LRRTM4: variants seen among roughly 807,000 people sequenced by gnomAD.
LRRTM4 encodes leucine-rich repeat transmembrane neuronal protein 4.
Under a neutral mutation model 47.6 loss-of-function variants are expected in LRRTM4, and 25 were observed. The observed-to-expected ratio is 0.53, with a 90% CI of 0.38 to 0.73. The LOEUF (loss-of-function observed/expected upper bound fraction) is 0.73. Among genes scored for constraint, LRRTM4 ranks in the 30% least tolerant of loss-of-function variants. The pLI, the probability that LRRTM4 is intolerant of heterozygous loss-of-function variation, is 0.00. For synonymous variants in LRRTM4, 311 were observed against 269.5 expected, an observed-to-expected ratio of 1.15 and a Z score of -1.51; for missense variants, 638 against 713.4, an observed-to-expected ratio of 0.89 and a Z score of 1.20.
At chr2:76,760,069 G>A (rs527535969) in intron 3 of LRRTM4, among the ~76,000 whole-genome samples, 46 of 152,148 alleles carry the variant, frequency 3.0e-4, no homozygotes, top group Non-Finnish European at 5.7e-4. Context: ...AAGAATGTAT[G>A]AATTTGAGAG....
intron 3 of LRRTM4, among the ~76,000 whole-genome samples, chr2:77,398,851 T>C (rs1055400242): frequency 6.6e-6 from 1 of 151,856 alleles, no homozygotes; most frequent in Non-Finnish European, 1.5e-5. Context: ...CAGAGATTCA[T>C]TCCTTATCTA....
At chr2:77,264,666 T>A (rs997189324) in intron 3 of LRRTM4, among the ~76,000 whole-genome samples, 5 of 152,276 alleles carry the variant, frequency 3.3e-5, no homozygotes, top group African/African-American at 1.2e-4. Flanking sequence ...TATTTGTCTT[T>A]GGAAAAGCAA....
chr2:77,021,274 T>G (rs1015949883), intron 3 of LRRTM4, among the ~76,000 whole-genome samples: 105 of 152,018 alleles, frequency 6.9e-4, no homozygotes, highest in African/African-American at 2.3e-3. Context: ...TGCTAGGAAC[T>G]TGTAAGATGT....
chr2:77,353,974 G>A (rs149946994), intron 3 of LRRTM4, among the ~76,000 whole-genome samples: 49 of 152,272 alleles, frequency 3.2e-4, no homozygotes, highest in African/African-American at 1.1e-3. Context: ...TATTCCGCAG[G>A]CAGTGTGCTG....
In LRRTM4 at chr2:77,411,049, A is replaced by G. The variant is rs569195895; in HGVS notation, c.1551+107269T>C. Among the ~76,000 whole-genome samples the G allele has an allele frequency of 1.5e-3, 226 of 152,334 alleles. 1 individual carries two copies. Among genetic ancestry groups the G allele is most frequent in the African/African-American group, 5.3e-3 (219 of 41,580 alleles). ...GAACAATAAATCCTGAGCATTAGAA[A>G]CACAGGCATAATCTGTTAGCATTAT... On this transcript the variant is annotated intron_variant, in intron 3 of 3. Coordinates refer to ENST00000409884, the MANE Select transcript of LRRTM4 (RefSeq NM_001134745.3).
intron 3 of LRRTM4, among the ~76,000 whole-genome samples, chr2:77,067,051 T>A (rs1434246630): frequency 6.6e-6 from 1 of 152,206 alleles, no homozygotes; most frequent in African/African-American, 2.4e-5. Flanking sequence ...CCGTTAGAAT[T>A]AAAGTATAGC....
At chr2:77,440,232 G>A (rs1192149526) in intron 3 of LRRTM4, among the ~76,000 whole-genome samples, 1 of 152,074 alleles carries the variant, frequency 6.6e-6, no homozygotes, top group African/African-American at 2.4e-5. Flanking sequence ...GGCTAACACG[G>A]TGAGAACCCG....
At chr2:76,801,397 A>T (rs1442712739) in intron 3 of LRRTM4, among the ~76,000 whole-genome samples, 1 of 152,138 alleles carries the variant, frequency 6.6e-6, no homozygotes, top group Non-Finnish European at 1.5e-5. Flanking sequence ...CATCATTCTC[A>T]GTAAACTATC....
chr2:77,504,712 G>A (rs1055426249), intron 3 of LRRTM4, among the ~76,000 whole-genome samples: 2 of 151,468 alleles, frequency 1.3e-5, no homozygotes, highest in African/African-American at 2.4e-5. Context: ...TCAAGGAGCT[G>A]ACATCCCTTA....
chr2:77,059,336 T>C (rs1252129051), intron 3 of LRRTM4, among the ~76,000 whole-genome samples: 2 of 152,022 alleles, frequency 1.3e-5, no homozygotes, highest in Non-Finnish European at 2.9e-5. Flanking sequence ...ATTCTTTCAG[T>C]AGAGTTGTCT....
At chr2:77,203,917 T>A (rs569421660) in intron 3 of LRRTM4, among the ~76,000 whole-genome samples, 30 of 152,310 alleles carry the variant, frequency 2.0e-4, no homozygotes, top group Non-Finnish European at 3.5e-4. Context: ...TGAGGTAAAG[T>A]TCATTTTCCT....
At chr2:77,264,536 T>C (rs1216866644) in intron 3 of LRRTM4, among the ~76,000 whole-genome samples, 2 of 152,052 alleles carry the variant, frequency 1.3e-5, no homozygotes. Flanking sequence ...CTTCAGTCTA[T>C]AATAGAAAGT....
chr2:77,298,997 C>T (rs979968370), intron 3 of LRRTM4, among the ~76,000 whole-genome samples: 1 of 151,866 alleles, frequency 6.6e-6, no homozygotes, highest in Non-Finnish European at 1.5e-5. Flanking sequence ...TGCATAAAAT[C>T]GTTTATATAA....
At chr2:77,027,648 TC>T in intron 3 of LRRTM4, among the ~76,000 whole-genome samples, 1 of 152,302 alleles carries the variant, frequency 6.6e-6, no homozygotes, top group African/African-American at 2.4e-5. Context: ...CTAAGAGCCT[TC>T]TAAACAACTG....
At chr2:76,843,843 A>T (rs11888083) in intron 3 of LRRTM4, among the ~76,000 whole-genome samples, 1 of 151,672 alleles carries the variant, frequency 6.6e-6, no homozygotes, top group Non-Finnish European at 1.5e-5. Flanking sequence ...AACAACATCA[A>T]TACTAGGCCT....
At chr2:77,414,951 T>A (rs1674581549) in intron 3 of LRRTM4, among the ~76,000 whole-genome samples, 1 of 152,126 alleles carries the variant, frequency 6.6e-6, no homozygotes, top group Admixed American at 6.6e-5. Context: ...CCACACATAA[T>A]ACAAAGAAGG....
At position 77,474,592 on chromosome 2, in the gene LRRTM4, G is replaced by T. The variant is rs143147459; in HGVS notation, c.1551+43726C>A. 1.0e-3 allele frequency among the ~76,000 whole-genome samples: 157 copies of T among 152,148 alleles called. 1 individual carries two copies. Among genetic ancestry groups the T allele is most frequent in the African/African-American group, 3.5e-3 (147 of 41,530 alleles). On this transcript the variant is annotated intron_variant, in intron 3 of 3. Transcript: ENST00000409884. The stretch of plus-strand genomic sequence containing the variant: ...AATAGATTGGTCAAAATTCAAATAA[G>T]TGTTATAGGAACTCTGGTACCAAAT...
At chr2:76,803,225 A>G (rs1293112290) in intron 3 of LRRTM4, among the ~76,000 whole-genome samples, 2 of 152,192 alleles carry the variant, frequency 1.3e-5, no homozygotes, top group African/African-American at 4.8e-5. Flanking sequence ...TCCAAAATAT[A>G]TAAGGAACTC....
At chr2:77,282,676 C>T (rs61624905) in intron 3 of LRRTM4, among the ~76,000 whole-genome samples, 7,817 of 151,708 alleles carry the variant, frequency 0.052, 627 homozygotes, top group African/African-American at 0.18. Context: ...ATAGAAAACC[C>T]GGAAAATAAG....
Sources: gnomAD v4.1 joint callset for allele counts (sites outside exome capture counted in the v4.1 genomes callset) on GRCh38, gnomAD v4.1.1 for gene constraint, MANE v1.5 for transcripts, NCBI Gene and HGNC (gene_info 2026-07-23, HGNC 2026-07-21) for gene names.